The following USP34 variants were observed in gnomAD, a reference collection of about 807,000 sequenced individuals.
USP34 encodes the protein ubiquitin carboxyl-terminal hydrolase 34.
Under a neutral mutation model 460.3 loss-of-function variants are expected in USP34, and 70 were observed. That is an observed-to-expected ratio of 0.15 (90% CI 0.13 to 0.19). The LOEUF (loss-of-function observed/expected upper bound fraction) is 0.19. USP34 is among the 10% of genes least tolerant of loss of function. The pLI is 1.00. For missense variants in USP34, 3,985 were observed against 4,236.2 expected, an observed-to-expected ratio of 0.94 and a Z score of 1.65; for synonymous variants, 1,647 against 1,405.3, an observed-to-expected ratio of 1.17 and a Z score of -3.85.
At chr2:61,376,207 A>G (rs867496987) in intron 8 of USP34, among the ~76,000 whole-genome samples, 4 of 145,012 alleles carry the variant, frequency 2.8e-5, no homozygotes, top group African/African-American at 1.2e-4. Context: ...TTTTATATGT[A>G]TTTATATGTT....
chr2:61,215,969 C>G (rs1016469653), intron 67 of USP34, among the ~76,000 whole-genome samples: 6 of 152,144 alleles, frequency 3.9e-5, no homozygotes, highest in Middle Eastern at 3.2e-3. Flanking sequence ...CCTCAAGACT[C>G]TCTAATGTCT....
At chr2:61,430,157 G>C (rs1694626052) in intron 1 of USP34, among the ~76,000 whole-genome samples, 1 of 151,008 alleles carries the variant, frequency 6.6e-6, no homozygotes, top group Non-Finnish European at 1.5e-5. Flanking sequence ...GGAACTTTCA[G>C]TGAGCCAAGA....
intron 10 of USP34, among the ~76,000 whole-genome samples, chr2:61,364,135 G>A (rs1406420869): frequency 6.6e-6 from 1 of 152,194 alleles, no homozygotes; most frequent in African/African-American, 2.4e-5. Flanking sequence ...CCGCACTTTG[G>A]GAGACCAAGG....
At chr2:61,379,580 T>C (rs1324625151) in intron 7 of USP34, among the ~76,000 whole-genome samples, 1 of 152,160 alleles carries the variant, frequency 6.6e-6, no homozygotes, top group Non-Finnish European at 1.5e-5. Flanking sequence ...AAATGGGGAC[T>C]GCAACAAACC....
chr2:61,398,449 TGGGGGAAGGACGGAGAAGC>T (rs1458449521), intron 3 of USP34, among the ~76,000 whole-genome samples: 11 of 60,942 alleles, frequency 1.8e-4, no homozygotes, highest in Non-Finnish European at 2.7e-4. Flanking sequence ...GAGGGGAAAG[TGGGGGAAGGACGGAGAAGC>T]GGGGGAAGGA....
intron 1 of USP34, among the ~76,000 whole-genome samples, chr2:61,448,729 T>C (rs1695188259): frequency 6.6e-6 from 1 of 152,122 alleles, no homozygotes; most frequent in African/African-American, 2.4e-5. Flanking sequence ...AAGATCAAGG[T>C]ACCAAATCAA....
chr2:61,381,263 AAAAC>A (rs1441174024), intron 6 of USP34, among the ~76,000 whole-genome samples: 13 of 61,470 alleles, frequency 2.1e-4, no homozygotes, highest in East Asian at 2.1e-3. Flanking sequence ...AAAAAAAAAT[AAAAC>A]ACACACACAC....
At position 61,311,530 on chromosome 2, in the gene USP34, A is replaced by C. The variant is rs748651641; in HGVS notation, c.3817+10T>G. ...AAAGAGAAAGAGAAAATTTGAATTGAAAGGCTTACCAGGAAACTCTCCTTT... is the reference window on the plus strand; with the variant it reads ...AAAGAGAAAGAGAAAATTTGAATTGCAAGGCTTACCAGGAAACTCTCCTTT... On this transcript the variant is annotated intron_variant, in intron 27 of 79. Transcript: ENST00000398571. 6 of 1,438,750 alleles carry C rather than the reference A, an allele frequency of 4.2e-6. No homozygotes were observed. 89.1% of individuals were successfully genotyped at this position (1,438,750 alleles called of 1,614,324 possible).
intron 10 of USP34, among the ~76,000 whole-genome samples, chr2:61,356,538 G>A (rs562602909): frequency 2.6e-5 from 4 of 151,584 alleles, no homozygotes; most frequent in South Asian, 2.1e-4. Context: ...CCTTAAAAAC[G>A]AAGAAAATGC....
intron 5 of USP34, among the ~76,000 whole-genome samples, chr2:61,387,678 AAT>A (rs1398206508): frequency 7.0e-5 from 10 of 143,806 alleles, no homozygotes; most frequent in Non-Finnish European, 1.2e-4. Flanking sequence ...CACATGTAAA[AAT>A]ATATTTTTAC....
At chr2:61,266,288 A>C in intron 41 of USP34, 121 bp from the exon 42 acceptor site, 7 of 876,892 alleles carry the variant, frequency 8.0e-6, no homozygotes, top group South Asian at 2.2e-5. Flanking sequence ...TAGCAGCATG[A>C]TATACCATCA....
At chr2:61,342,742 T>C (rs1194703917) in intron 16 of USP34, among the ~76,000 whole-genome samples, 1 of 152,180 alleles carries the variant, frequency 6.6e-6, no homozygotes, top group Non-Finnish European at 1.5e-5. Flanking sequence ...ACAAGGTAGA[T>C]TTGGAAAGCA....
At chr2:61,324,609 T>A (rs975135664) in intron 21 of USP34, among the ~76,000 whole-genome samples, 2 of 151,950 alleles carry the variant, frequency 1.3e-5, no homozygotes. Flanking sequence ...CCTATCTCTA[T>A]GAAAATTTTA....
chr2:61,354,254 CAAGT>C (rs1692040160), intron 10 of USP34, among the ~76,000 whole-genome samples: 1 of 152,142 alleles, frequency 6.6e-6, no homozygotes, highest in Admixed American at 6.5e-5. Context: ...TCAAAAACCA[CAAGT>C]AACTTGTCAC....
At chr2:61,305,184 C>T (rs1484231373) in intron 27 of USP34, among the ~76,000 whole-genome samples, 1 of 151,936 alleles carries the variant, frequency 6.6e-6, no homozygotes, top group African/African-American at 2.4e-5. Flanking sequence ...ATTAGCCAGG[C>T]GTGGTGGAGT....
At chr2:61,408,130 A>G (rs933589635) in intron 2 of USP34, among the ~76,000 whole-genome samples, 2 of 152,138 alleles carry the variant, frequency 1.3e-5, no homozygotes, top group African/African-American at 2.4e-5. Context: ...AATAAAAAAT[A>G]AATAAAATAA....
intron 51 of USP34, among the ~76,000 whole-genome samples, chr2:61,242,676 T>TA: frequency 6.6e-6 from 1 of 152,030 alleles, no homozygotes; most frequent in Admixed American, 6.6e-5. Context: ...TCTGAGAACT[T>TA]AAAGACTGTT....
chr2:61,346,458 T>C (rs1572954863), intron 15 of USP34: 1 of 149,162 alleles, frequency 6.7e-6, no homozygotes, highest in Non-Finnish European at 1.5e-5. Flanking sequence ...CCCAAGAGTT[T>C]GAGACTACGG....
intron 66 of USP34, among the ~76,000 whole-genome samples, 168 bp from the exon 67 acceptor site, chr2:61,220,625 T>C (rs186947349): frequency 1.6e-4 from 25 of 152,298 alleles, no homozygotes; most frequent in African/African-American, 5.8e-4. Context: ...TACTTTTACT[T>C]TTATCAACAG....
Sources: allele counts gnomAD v4.1 joint callset (sites outside exome capture counted in the v4.1 genomes callset), GRCh38; gene constraint gnomAD v4.1.1; transcripts MANE v1.5; gene names NCBI Gene and HGNC (gene_info 2026-07-23, HGNC 2026-07-21).